Variants in RREB1 observed in about 807,000 individuals in gnomAD.
RREB1 encodes ras responsive element binding protein 1, also known as ras-responsive element-binding protein 1.
Under a neutral mutation model 117.8 loss-of-function variants are expected in RREB1, and 27 were observed. That is an observed-to-expected ratio of 0.23 (90% CI 0.17 to 0.32). RREB1 has a LOEUF of 0.32. Among genes scored for constraint, RREB1 ranks in the 10% least tolerant of loss-of-function variants. The probability of loss-of-function intolerance (pLI) is 1.00; values close to 1 mark genes in which losing one functional copy is unlikely to be tolerated. For synonymous variants in RREB1, 1,298 were observed against 1,026.7 expected (o/e 1.26, Z -5.05); for missense variants, 2,577 against 2,378.2 (o/e 1.08, Z -1.74).
In RREB1 at chr6:7,145,858, GAGA is replaced by G. The variant is rs796276650; in HGVS notation, c.-284-30790_-284-30788del. ...CTGTAGCTGCCCCTATGCCTGTGGG[GAGA>G]AGAAGAGGGAAGAAAGGGGTTGCTG... On this transcript the variant is annotated intron_variant, in intron 1 of 12. Transcript: ENST00000379938. Among the ~76,000 whole-genome samples, 97 of 151,888 alleles carry G rather than the reference GAGA, an allele frequency of 6.4e-4. 1 individual carries two copies. Among genetic ancestry groups the G allele is most frequent in the African/African-American group, 2.2e-3 (91 of 41,352 alleles).
intron 1 of RREB1, among the ~76,000 whole-genome samples, chr6:7,160,971 A>G (rs780398509): frequency 9.2e-5 from 14 of 152,194 alleles, no homozygotes; most frequent in Non-Finnish European, 1.6e-4. Context: ...GGCGTGAGCC[A>G]CTGCACCCGG....
chr6:7,114,471 G>C (rs1004015238), intron 1 of RREB1, among the ~76,000 whole-genome samples: 12 of 151,284 alleles, frequency 7.9e-5, no homozygotes, highest in Admixed American at 4.0e-4. Context: ...TTTCTGGTGG[G>C]GGGGGGGGCG....
chr6:7,215,648 C>T (rs1482260142), intron 8 of RREB1: 1 of 152,174 alleles, frequency 6.6e-6, no homozygotes, highest in East Asian at 1.9e-4. Flanking sequence ...CCCTAGTAGT[C>T]ATGTTTTAAA....
intron 1 of RREB1, among the ~76,000 whole-genome samples, chr6:7,124,409 T>A (rs1419920121): frequency 6.6e-6 from 1 of 152,212 alleles, no homozygotes; most frequent in Non-Finnish European, 1.5e-5. Flanking sequence ...TTGGAAGGGC[T>A]CATTTGGCCA....
At position 7,248,999 on chromosome 6, in the gene RREB1, G is replaced by A. The variant is rs763061687; in HGVS notation, c.*31G>A. On this transcript the variant is annotated 3_prime_UTR_variant, in exon 13 of 13. Coordinates refer to ENST00000379938, the MANE Select transcript of RREB1 (RefSeq NM_001003699.4). ...TCAGTCCCCCTCAGCACAGACAAAA[G>A]CCAGCAGAGCAAAGCGTCTATACTT... 2.5e-5 allele frequency: 36 copies of A among 1,437,068 alleles called. No individual in the cohort carries two copies. Among genetic ancestry groups the A allele is most frequent in the Non-Finnish European group, 3.1e-5 (34 of 1,098,854 alleles). The allele number at this position is 1,437,068 out of a possible 1,614,324, so 89.0% of individuals were successfully genotyped here.
intron 1 of RREB1, among the ~76,000 whole-genome samples, chr6:7,160,732 G>A (rs1763617588): frequency 6.6e-6 from 1 of 151,618 alleles, no homozygotes; most frequent in Admixed American, 6.6e-5. Flanking sequence ...CTGTCACCAG[G>A]CTGAAGTACT....
chr6:7,213,975 A>G (rs1766754954), intron 8 of RREB1: 1 of 152,304 alleles, frequency 6.6e-6, no homozygotes, highest in African/African-American at 2.4e-5. Flanking sequence ...TGTGGCAGCG[A>G]TAGAGGCAGA....
At chr6:7,160,476 T>C (rs1005433516) in intron 1 of RREB1, among the ~76,000 whole-genome samples, 2 of 152,198 alleles carry the variant, frequency 1.3e-5, no homozygotes, top group South Asian at 2.1e-4. Flanking sequence ...TTTTTAAACT[T>C]GACCTAACTT....
At chr6:7,108,988 G>T (rs1760991935) in intron 1 of RREB1, among the ~76,000 whole-genome samples, 1 of 150,926 alleles carries the variant, frequency 6.6e-6, no homozygotes, top group African/African-American at 2.4e-5. Flanking sequence ...GTGTTTTCGT[G>T]GGAGCCCTCG....
chr6:7,155,423 C>G (rs774919520), intron 1 of RREB1, among the ~76,000 whole-genome samples: 2 of 152,238 alleles, frequency 1.3e-5, no homozygotes, highest in Non-Finnish European at 2.9e-5. Context: ...TCTCCTGCCT[C>G]ACTCAGCCTC....
chr6:7,113,024 G>A (rs551199162), intron 1 of RREB1, among the ~76,000 whole-genome samples: 2 of 152,332 alleles, frequency 1.3e-5, no homozygotes, highest in African/African-American at 4.8e-5. Context: ...AGTAGAGGTG[G>A]CTGACTGTGA....
chr6:7,229,374 A>C lies in RREB1; in HGVS notation c.1275A>C (p.Thr425=), dbSNP rs1195479865. The C allele has an allele frequency of 6.2e-7, 1 of 1,614,090 alleles. No individual in the cohort carries two copies. The highest frequency in any genetic ancestry group is 1.7e-4 in the Middle Eastern group (1 of 6,060). The change falls in exon 10 of 13, where the codon ACA becomes ACC. Residue 425 remains threonine (T), a synonymous_variant. Coordinates refer to ENST00000379938, the MANE Select transcript of RREB1 (RefSeq NM_001003699.4). The surrounding 1 kb of genome is among the most constrained non-coding windows in gnomAD (Gnocchi z 4.5). ...FEAASLGGSL[T]VLPATKDSIK... Reference sequence around the variant, plus strand: ...CTGCTTCCCTAGGCGGTTCTCTCACAGTTCTCCCCGCGACCAAGGACAGCA... The same window carrying C: ...CTGCTTCCCTAGGCGGTTCTCTCACCGTTCTCCCCGCGACCAAGGACAGCA...
intron 1 of RREB1, among the ~76,000 whole-genome samples, chr6:7,137,773 G>A (rs567816146): frequency 9.2e-5 from 14 of 152,194 alleles, no homozygotes; most frequent in African/African-American, 3.1e-4. Flanking sequence ...TTTCACGGCC[G>A]CCTAGCTCCT....
At chr6:7,147,002 C>CT (rs770516935) in intron 1 of RREB1, among the ~76,000 whole-genome samples, 2 of 152,174 alleles carry the variant, frequency 1.3e-5, no homozygotes, top group Non-Finnish European at 2.9e-5. Context: ...AGTTTATGGT[C>CT]TCCAGTCTCC....
At chr6:7,180,268 G>A (rs181514786) in intron 2 of RREB1, among the ~76,000 whole-genome samples, 42 of 152,204 alleles carry the variant, frequency 2.8e-4, no homozygotes, top group Non-Finnish European at 5.9e-5. Flanking sequence ...AATTTAGGCT[G>A]GTACTGCAGG....
At chr6:7,135,149 A>G (rs1561736541) in intron 1 of RREB1, among the ~76,000 whole-genome samples, 1 of 152,236 alleles carries the variant, frequency 6.6e-6, no homozygotes, top group Non-Finnish European at 1.5e-5. Context: ...AACCTTGATT[A>G]TGATTAAAAC....
intron 1 of RREB1, among the ~76,000 whole-genome samples, chr6:7,113,246 G>C (rs1443819530): frequency 6.6e-6 from 1 of 152,218 alleles, no homozygotes; most frequent in Non-Finnish European, 1.5e-5. Context: ...GGCATTGTCA[G>C]ACAGCCAGAG....
At position 7,246,713 on chromosome 6, in the gene RREB1, C is replaced by T. The variant is rs1769068060; in HGVS notation, c.4263C>T (p.Ala1421=). The T allele has an allele frequency of 1.3e-6, 2 of 1,584,126 alleles. No homozygotes were observed. The highest frequency in any genetic ancestry group is 1.7e-6 in the Non-Finnish European group (2 of 1,165,784). The change falls in exon 12 of 13, where the codon GCC becomes GCT. Residue 1421 remains alanine, a synonymous_variant. Coordinates refer to ENST00000379938, the MANE Select transcript of RREB1 (RefSeq NM_001003699.4). ...ACCAGAGCCTGGACCTGGACTTCGC[C>T]ACCAAGCTCATGGACTTCAAGCTGG... is the stretch of plus-strand genomic sequence containing the variant. The part of the protein sequence containing the change: ...SSNQSLDLDF[A]TKLMDFKLAE...
At chr6:7,126,791 A>G (rs565974651) in intron 1 of RREB1, among the ~76,000 whole-genome samples, 53 of 152,300 alleles carry the variant, frequency 3.5e-4, no homozygotes, top group Non-Finnish European at 6.8e-4. Flanking sequence ...GCAAGCCTGC[A>G]TCAAGAACCG....
Sources: gnomAD v4.1 joint callset for allele counts (sites outside exome capture counted in the v4.1 genomes callset) on GRCh38, gnomAD v4.1.1 for gene constraint, Gnocchi (gnomAD v3.1) non-coding constraint, MANE v1.5 for transcripts, NCBI Gene and HGNC (gene_info 2026-07-23, HGNC 2026-07-21) for gene names.